Variants in ALK observed in about 807,000 individuals in gnomAD.
ALK encodes ALK tyrosine kinase receptor.
A neutral mutation model predicts 163.1 loss-of-function variants in ALK; 74 were observed. The observed-to-expected ratio is 0.45, with a 90% CI of 0.38 to 0.55. The LOEUF is 0.55. Ranked by LOEUF, ALK falls within the 20% of genes least tolerant of loss-of-function variation. The probability of loss-of-function intolerance (pLI) is 0.00; values close to 1 mark genes in which losing one functional copy is unlikely to be tolerated. For missense variants in ALK, 2,063 were observed against 2,105.3 expected (o/e 0.98, Z 0.39); for synonymous variants, 960 against 843.2 (o/e 1.14, Z -2.40).
intron 3 of ALK, among the ~76,000 whole-genome samples, chr2:29,571,424 T>A (rs547584966): frequency 1.3e-5 from 2 of 152,240 alleles, no homozygotes; most frequent in East Asian, 3.9e-4. Context: ...TAGTGAGTTC[T>A]CACAAGATCT....
chr2:29,500,560 CTTCTTT>C (rs1672145342), intron 4 of ALK, among the ~76,000 whole-genome samples: 1 of 152,128 alleles, frequency 6.6e-6, no homozygotes, highest in Admixed American at 6.5e-5. Context: ...GGTCTAGCCT[CTTCTTT>C]TTTTTTCTGG....
At chr2:29,312,366 C>T (rs752938510) in intron 8 of ALK, among the ~76,000 whole-genome samples, 2 of 151,862 alleles carry the variant, frequency 1.3e-5, no homozygotes, top group Admixed American at 6.5e-5. Context: ...AACAGTGGGT[C>T]GCTATACTCA....
chr2:29,340,267 T>C (rs76024460), intron 5 of ALK, among the ~76,000 whole-genome samples: 11,072 of 152,234 alleles, frequency 0.073, 537 homozygotes, highest in Non-Finnish European at 0.11. Flanking sequence ...GTACTAATCA[T>C]AAACAAATTA....
intron 23 of ALK, among the ~76,000 whole-genome samples, chr2:29,215,582 C>T (rs1232108577): frequency 6.6e-6 from 1 of 152,234 alleles, no homozygotes; most frequent in South Asian, 2.1e-4. Flanking sequence ...AGCTAATAAG[C>T]GTGGAGCCAA....
At chr2:29,888,709 T>C (rs1667055780) in intron 1 of ALK, among the ~76,000 whole-genome samples, 1 of 152,198 alleles carries the variant, frequency 6.6e-6, no homozygotes, top group African/African-American at 2.4e-5. Flanking sequence ...TGAATTCCTA[T>C]TAATTTCCCA....
intron 9 of ALK, among the ~76,000 whole-genome samples, chr2:29,291,113 A>C (rs1413106019): frequency 6.6e-6 from 1 of 152,228 alleles, no homozygotes; most frequent in Admixed American, 6.5e-5. Context: ...CTGTTATCCC[A>C]GCAGTTTGGG....
At chr2:29,318,544 A>G in intron 7 of ALK, 140 bp from the exon 8 acceptor site, 2 of 673,734 alleles carry the variant, frequency 3.0e-6, no homozygotes, top group Non-Finnish European at 5.3e-6. Flanking sequence ...TGCAATGGAG[A>G]AGAAAGCCCA....
At chr2:29,899,943 G>A (rs191776792) in intron 1 of ALK, among the ~76,000 whole-genome samples, 2 of 152,366 alleles carry the variant, frequency 1.3e-5, no homozygotes, top group Non-Finnish European at 2.9e-5. Flanking sequence ...TAACTAGAAG[G>A]TTCAGGATGC....
intron 3 of ALK, among the ~76,000 whole-genome samples, chr2:29,656,012 G>A (rs1677174058): frequency 6.6e-6 from 1 of 151,950 alleles, no homozygotes. Context: ...TCTGTCTGAG[G>A]GTCACAAGCA....
chr2:29,786,329 A>T (rs1664023775), intron 1 of ALK, among the ~76,000 whole-genome samples: 1 of 152,218 alleles, frequency 6.6e-6, no homozygotes, highest in Admixed American at 6.5e-5. Context: ...GCACTCTCTA[A>T]CTATATGAAA....
At chr2:29,444,658 C>T (rs1385171299) in intron 4 of ALK, among the ~76,000 whole-genome samples, 2 of 152,150 alleles carry the variant, frequency 1.3e-5, no homozygotes, top group African/African-American at 4.8e-5. Context: ...TTAATGCATA[C>T]AAAGTATATT....
chr2:29,246,128 T>C lies in ALK; in HGVS notation c.2204+4977A>G, dbSNP rs1375292069. On this transcript the variant is annotated intron_variant, in intron 12 of 28. Transcript: ENST00000389048. The surrounding 1 kb of genome is among the most constrained non-coding windows in gnomAD (Gnocchi z 4.3). Reference sequence around the variant, plus strand: ...TGGTGTTATATACGATCTGTGTGTGTATGGTAGTGGGTGGGGAGGAGATGG... The same window carrying C: ...TGGTGTTATATACGATCTGTGTGTGCATGGTAGTGGGTGGGGAGGAGATGG... 1.3e-5 allele frequency among the ~76,000 whole-genome samples: 2 copies of C among 151,482 alleles called. No homozygotes were observed. Among genetic ancestry groups the C allele is most frequent in the African/African-American group, 4.9e-5 (2 of 41,156 alleles).
chr2:29,503,249 A>C (rs1558354434), intron 4 of ALK, among the ~76,000 whole-genome samples: 1 of 152,264 alleles, frequency 6.6e-6, no homozygotes, highest in Middle Eastern at 3.2e-3. Context: ...AGAAACTGAG[A>C]CACAAGTGGT....
chr2:29,785,451 A>C (rs186167108), intron 1 of ALK, among the ~76,000 whole-genome samples: 9,196 of 152,184 alleles, frequency 0.06, 694 homozygotes, highest in African/African-American at 0.18. Context: ...AGTCTTTTTC[A>C]TTTTGCCCAA....
chr2:29,822,387 G>A (rs541610687), intron 1 of ALK, among the ~76,000 whole-genome samples: 64 of 152,202 alleles, frequency 4.2e-4, no homozygotes, highest in Non-Finnish European at 7.9e-4. Context: ...TTTCAGGTGG[G>A]AGGAGGACAG....
chr2:29,841,625 C>T (rs900484294), intron 1 of ALK, among the ~76,000 whole-genome samples: 5 of 152,116 alleles, frequency 3.3e-5, no homozygotes, highest in Non-Finnish European at 2.9e-5. Flanking sequence ...CTGGGGGCTG[C>T]GCTCCGTGAG....
intron 3 of ALK, among the ~76,000 whole-genome samples, chr2:29,555,210 G>A (rs1199571741): frequency 1.3e-5 from 2 of 152,008 alleles, no homozygotes; most frequent in African/African-American, 2.4e-5. Flanking sequence ...CCCCTTTCCT[G>A]TAACACTACC....
intron 12 of ALK, among the ~76,000 whole-genome samples, chr2:29,244,908 G>A (rs1234852561): frequency 6.6e-6 from 1 of 152,274 alleles, no homozygotes; most frequent in African/African-American, 2.4e-5. Context: ...CAGAGACTGT[G>A]AGGCTCCAGA....
chr2:29,325,192 G>A lies in ALK; in HGVS notation c.1414+3158C>T, dbSNP rs139895883. ...CCCAAGATGAAAGACCCTCAGGAAG[G>A]TTCTTTAGAGGACCTGGCCATTCCT... On this transcript the variant is annotated intron_variant, in intron 6 of 28. Coordinates refer to ENST00000389048, the MANE Select transcript of ALK (RefSeq NM_004304.5). 1.8e-4 allele frequency among the ~76,000 whole-genome samples: 28 copies of A among 152,216 alleles called. No individual in the cohort carries two copies. In the East Asian group the frequency reaches 4.8e-3, roughly 26 times the overall value.
Sources: allele counts gnomAD v4.1 joint callset (sites outside exome capture counted in the v4.1 genomes callset), GRCh38; gene constraint gnomAD v4.1.1; non-coding constraint Gnocchi (gnomAD v3.1); transcripts MANE v1.5; gene names NCBI Gene and HGNC (gene_info 2026-07-23, HGNC 2026-07-21).